FHAD1: variants seen among roughly 807,000 people sequenced by gnomAD.
FHAD1 encodes forkhead associated phosphopeptide binding domain 1, also known as forkhead-associated domain-containing protein 1.
A neutral mutation model predicts 191.3 loss-of-function variants in FHAD1; 146 were observed. The ratio of observed to expected loss-of-function variants is 0.76; its 90% CI spans 0.67 to 0.88. The LOEUF (loss-of-function observed/expected upper bound fraction) is 0.88, where lower values mean the gene tolerates loss of function less well. FHAD1 is among the 40% of genes least tolerant of loss of function. FHAD1 has a pLI of 0.00. For missense variants in FHAD1, 1,635 were observed against 1,785.8 expected (o/e 0.92, Z 1.52); for synonymous variants, 616 against 672.3 (o/e 0.92, Z 1.29).
At chr1:15,397,020 T>TA (rs5772637) in intron 33 of FHAD1, among the ~76,000 whole-genome samples, 9,435 of 115,836 alleles carry the variant, frequency 0.081, 398 homozygotes, top group African/African-American at 0.1. Context: ...CCGTCTCTAC[T>TA]AAAAAAAAAA....
At chr1:15,346,016 C>T (rs1014705360) in intron 18 of FHAD1, among the ~76,000 whole-genome samples, 1 of 152,148 alleles carries the variant, frequency 6.6e-6, no homozygotes, top group African/African-American at 2.4e-5. Context: ...TCTTACGCCC[C>T]GGAGGAGTAT....
intron 19 of FHAD1, among the ~76,000 whole-genome samples, chr1:15,349,836 C>T (rs1287914767): frequency 1.3e-5 from 2 of 152,172 alleles, no homozygotes; most frequent in African/African-American, 4.8e-5. Context: ...TCCACATCCA[C>T]CCACCCCAAT....
chr1:15,272,900 C>G (rs1656714484), intron 3 of FHAD1, among the ~76,000 whole-genome samples: 1 of 152,180 alleles, frequency 6.6e-6, no homozygotes, highest in African/African-American at 2.4e-5. Context: ...GTGACCTGGG[C>G]CAGACTTCTT....
At chr1:15,359,435 C>T (rs530783556) in intron 21 of FHAD1, among the ~76,000 whole-genome samples, 24 of 152,026 alleles carry the variant, frequency 1.6e-4, no homozygotes, top group Admixed American at 4.6e-4. Context: ...GAGCAGAAGG[C>T]GGGCAGTGAG....
chr1:15,376,527 C>G (rs1458697462), intron 28 of FHAD1, among the ~76,000 whole-genome samples: 1 of 152,172 alleles, frequency 6.6e-6, no homozygotes, highest in Non-Finnish European at 1.5e-5. Context: ...ATCCGTGATT[C>G]AGAGCACACA....
At chr1:15,313,518 AG>A (rs774554164) in intron 8 of FHAD1, among the ~76,000 whole-genome samples, 15 of 152,354 alleles carry the variant, frequency 9.8e-5, no homozygotes, top group Non-Finnish European at 1.9e-4. Flanking sequence ...TAATTCCAGC[AG>A]TAAATGCACC....
Position 15,341,828 on chromosome 1 carries a change from G to A in FHAD1, c.2070G>A (p.Glu690=). 1.9e-6 allele frequency: 3 copies of A among 1,551,886 alleles called. No homozygotes were observed. The highest frequency in any genetic ancestry group is 2.6e-6 in the Non-Finnish European group (3 of 1,147,018). ...CAGAGAAGGAGAAGCTGAACGAGGAGAGGCTAGAGCAAGAGGAGAAGCTCA... is the reference window on the plus strand; with the variant it reads ...CAGAGAAGGAGAAGCTGAACGAGGAAAGGCTAGAGCAAGAGGAGAAGCTCA... ...HLAEKEKLNE[E]RLEQEEKLKA... is the part of the protein sequence containing the mutation. The change falls in exon 16 of 34, where the codon GAG becomes GAA. Residue 690 remains glutamate (E), a synonymous_variant. Transcript: ENST00000688493.
chr1:15,249,290 TAA>T (rs34278950), intron 1 of FHAD1, among the ~76,000 whole-genome samples: 373 of 133,604 alleles, frequency 2.8e-3, no homozygotes, highest in African/African-American at 4.6e-3. Context: ...GGGGAAGAGC[TAA>T]AAAAAAAAAA....
chr1:15,359,937 G>C (rs890796425), intron 21 of FHAD1, among the ~76,000 whole-genome samples: 1 of 151,590 alleles, frequency 6.6e-6, no homozygotes, highest in African/African-American at 2.4e-5. Context: ...GTGACAGAGA[G>C]AGACTCCGTC....
chr1:15,341,209 C>T (rs1190739200), intron 15 of FHAD1, among the ~76,000 whole-genome samples: 2 of 152,022 alleles, frequency 1.3e-5, no homozygotes, highest in Non-Finnish European at 2.9e-5. Context: ...ACAAAAACAC[C>T]ACCTTATTTA....
intron 4 of FHAD1, among the ~76,000 whole-genome samples, chr1:15,293,965 G>A (rs1419828087): frequency 6.6e-6 from 1 of 152,126 alleles, no homozygotes. Flanking sequence ...ATCTGCCTGG[G>A]CGTCACCACT....
At position 15,328,317 on chromosome 1, in the gene FHAD1, A is replaced by G. The variant is rs113471978; in HGVS notation, c.1598A>G (p.Asn533Ser). The G allele has an allele frequency of 2.0e-5, 31 of 1,542,422 alleles. No homozygotes were observed. Among genetic ancestry groups the G allele is most frequent in the Middle Eastern group, 1.7e-4 (1 of 5,946 alleles). The change falls in exon 13 of 34, where the codon AAT becomes AGT. Residue 533 changes from asparagine (N) to serine (S), a missense_variant. Asn to Ser is a conservative substitution (Grantham distance 46). Coordinates refer to ENST00000688493, the MANE Select transcript of FHAD1 (RefSeq NM_001391957.1). The stretch of plus-strand genomic sequence containing the variant: ...ACCCAGGTCACTGAGGACAACATCA[A>G]TTTTCAGCAGAAAAAGTGGACCCTC... ...KITQVTEDNI[N>S]FQQKKWTLQK...
chr1:15,362,773 A>C (rs1695220686), intron 23 of FHAD1, 47 bp downstream of exon 23: 1 of 1,478,506 alleles, frequency 6.8e-7, no homozygotes, highest in Non-Finnish European at 9.2e-7. Context: ...CACCGGCACC[A>C]CCTGGGTGGG....
At chr1:15,400,885 T>C (rs1380413725), downstream of FHAD1, among the ~76,000 whole-genome samples, 1 of 152,252 alleles carries the variant, frequency 6.6e-6, no homozygotes, top group East Asian at 1.9e-4. Context: ...GCCTTATGTT[T>C]GTTAATATCC....
chr1:15,359,772 A>G (rs1694077439), intron 21 of FHAD1, among the ~76,000 whole-genome samples: 1 of 152,048 alleles, frequency 6.6e-6, no homozygotes, highest in Non-Finnish European at 1.5e-5. Flanking sequence ...AACATGATGA[A>G]ACCCTATCTC....
chr1:15,346,148 G>A (rs915201820), intron 18 of FHAD1, among the ~76,000 whole-genome samples: 6 of 152,104 alleles, frequency 3.9e-5, no homozygotes, highest in Non-Finnish European at 7.4e-5. Context: ...GGGCCCAAGC[G>A]CCCTTGTTCC....
intron 25 of FHAD1, among the ~76,000 whole-genome samples, chr1:15,368,102 G>A (rs527730895): frequency 3.9e-5 from 6 of 152,072 alleles, no homozygotes; most frequent in Non-Finnish European, 7.4e-5. Context: ...CTCTGGAGTC[G>A]CTGGGACTAC....
rs1682556100 is a variant in FHAD1 at position 15,333,413 on chromosome 1, C to A, written c.1906+3872C>A. Among the ~76,000 whole-genome samples the A allele has an allele frequency of 2.0e-5, 3 of 152,136 alleles. No individual in the cohort carries two copies. The South Asian group carries it at 6.2e-4, about 32-fold the overall frequency. On this transcript the variant is annotated intron_variant, in intron 14 of 33. Transcript: ENST00000688493. ...TGGTGATTATGGTGACGATGATAGT[C>A]ATTCATCACTGAGGACTTATATTCT...
At chr1:15,258,974 T>C (rs111349068) in intron 2 of FHAD1, among the ~76,000 whole-genome samples, 295 of 152,274 alleles carry the variant, frequency 1.9e-3, no homozygotes, top group African/African-American at 6.6e-3. Flanking sequence ...TATTTTTAAT[T>C]TTTTGAGGAA....
Sources: gnomAD v4.1 joint callset for allele counts (sites outside exome capture counted in the v4.1 genomes callset) on GRCh38, gnomAD v4.1.1 for gene constraint, MANE v1.5 for transcripts, NCBI Gene and HGNC (gene_info 2026-07-23, HGNC 2026-07-21) for gene names.